The following CAMK2D variants were observed in gnomAD, a reference collection of about 807,000 sequenced individuals.
CAMK2D encodes the protein calcium/calmodulin dependent protein kinase II delta, also known as calcium/calmodulin-dependent protein kinase type II subunit delta.
A neutral mutation model predicts 84.0 loss-of-function variants in CAMK2D; 37 were observed. The ratio of observed to expected loss-of-function variants is 0.44; its 90% CI spans 0.34 to 0.58. The LOEUF (loss-of-function observed/expected upper bound fraction) is 0.58. CAMK2D is among the 20% of genes least tolerant of loss of function. CAMK2D has a pLI of 0.02. For synonymous variants in CAMK2D, 202 were observed against 212.5 expected (o/e 0.95, Z 0.43); for missense variants, 448 against 652.5 (o/e 0.69, Z 3.41).
intron 3 of CAMK2D, among the ~76,000 whole-genome samples, chr4:113,652,708 C>A (rs570094774): frequency 1.3e-5 from 2 of 152,034 alleles, no homozygotes; most frequent in Non-Finnish European, 2.9e-5. Context: ...CTTCCAATAC[C>A]CTGTTAGGGG....
chr4:113,509,527 C>T, intron 13 of CAMK2D, 111 bp downstream of exon 13: 1 of 709,012 alleles, frequency 1.4e-6, no homozygotes, highest in Non-Finnish European at 2.5e-6. Flanking sequence ...CAACCTTTAT[C>T]AGAAACAATA....
chr4:113,758,590 T>C (rs1282448699), intron 2 of CAMK2D, among the ~76,000 whole-genome samples: 3 of 152,190 alleles, frequency 2.0e-5, no homozygotes, highest in Non-Finnish European at 4.4e-5. Flanking sequence ...ATAATTGGAA[T>C]GCCTAACATT....
intron 2 of CAMK2D, among the ~76,000 whole-genome samples, chr4:113,692,179 A>G (rs1440176571): frequency 6.6e-6 from 1 of 152,170 alleles, no homozygotes; most frequent in Non-Finnish European, 1.5e-5. Context: ...TCAACTGACC[A>G]TATTTCTTCC....
chr4:113,696,608 C>G (rs1561892939), intron 2 of CAMK2D, among the ~76,000 whole-genome samples: 1 of 152,020 alleles, frequency 6.6e-6, no homozygotes, highest in Non-Finnish European at 1.5e-5. Context: ...CCAGGAGCAG[C>G]CCTTGCCTTC....
chr4:113,696,975 T>C (rs1408204953), intron 2 of CAMK2D, among the ~76,000 whole-genome samples: 1 of 152,078 alleles, frequency 6.6e-6, no homozygotes, highest in African/African-American at 2.4e-5. Context: ...AAAAGCAGCA[T>C]AATAAGAACT....
intron 16 of CAMK2D, among the ~76,000 whole-genome samples, chr4:113,480,580 T>A (rs1589919531): frequency 1.3e-5 from 2 of 152,058 alleles, no homozygotes; most frequent in South Asian, 4.1e-4. Context: ...GTGGCTCACA[T>A]CTGTAATCCC....
intron 2 of CAMK2D, among the ~76,000 whole-genome samples, chr4:113,711,122 T>C (rs945850970): frequency 1.0e-4 from 15 of 148,904 alleles, no homozygotes; most frequent in African/African-American, 3.2e-4. Context: ...AATATAAATT[T>C]ATTATATTTT....
At chr4:113,649,952 C>T (rs1211631098) in intron 3 of CAMK2D, among the ~76,000 whole-genome samples, 4 of 151,846 alleles carry the variant, frequency 2.6e-5, no homozygotes, top group East Asian at 1.9e-4. Flanking sequence ...TGTGGTGGCA[C>T]GTGCCTGTAA....
intron 8 of CAMK2D, among the ~76,000 whole-genome samples, chr4:113,530,909 C>A (rs189411778): frequency 7.3e-4 from 111 of 152,132 alleles, no homozygotes; most frequent in African/African-American, 2.6e-3. Flanking sequence ...CATGGTGAAA[C>A]CCTGTCTCTA....
chr4:113,515,479 G>T (rs181017842), intron 9 of CAMK2D, among the ~76,000 whole-genome samples: 80 of 149,830 alleles, frequency 5.3e-4, no homozygotes, highest in Non-Finnish European at 2.2e-4. Context: ...AAGAACTTAA[G>T]AATCTTCTAT....
intron 3 of CAMK2D, among the ~76,000 whole-genome samples, chr4:113,660,008 G>A (rs879581126): frequency 7.2e-5 from 11 of 152,064 alleles, no homozygotes; most frequent in Non-Finnish European, 1.5e-4. Flanking sequence ...CCCACTAAGT[G>A]CAGAATACTA....
chr4:113,628,567 T>C (rs1417876034), intron 3 of CAMK2D, among the ~76,000 whole-genome samples: 3 of 152,156 alleles, frequency 2.0e-5, no homozygotes, highest in African/African-American at 4.8e-5. Context: ...TTATCTTTCC[T>C]GGTACAAAGC....
At chr4:113,562,585 C>T (rs1591273542) in intron 4 of CAMK2D, among the ~76,000 whole-genome samples, 1 of 152,222 alleles carries the variant, frequency 6.6e-6, no homozygotes, top group East Asian at 1.9e-4. Context: ...GGCTAACATA[C>T]GAAAGAAGGA....
At chr4:113,548,260 G>A (rs1218007574) in intron 5 of CAMK2D, among the ~76,000 whole-genome samples, 3 of 152,146 alleles carry the variant, frequency 2.0e-5, no homozygotes, top group Admixed American at 6.6e-5. Context: ...GGAGCAATGC[G>A]TAACCAGTTG....
chr4:113,596,820 A>ATT (rs34155395), intron 4 of CAMK2D, among the ~76,000 whole-genome samples: 10 of 142,174 alleles, frequency 7.0e-5, no homozygotes, highest in African/African-American at 1.3e-4. Context: ...GGGTCCTAGA[A>ATT]TTTTTTTTTT....
intron 6 of CAMK2D, among the ~76,000 whole-genome samples, chr4:113,539,393 GT>G (rs1348019615): frequency 1.3e-5 from 2 of 152,182 alleles, no homozygotes; most frequent in African/African-American, 4.8e-5. Flanking sequence ...CACATTTTAG[GT>G]GTTTGAAGTC....
At position 113,599,366 on chromosome 4, in the gene CAMK2D, A is replaced by G. The variant is rs1044011683; in HGVS notation, c.275+9786T>C. Among the ~76,000 whole-genome samples, 4 of 152,224 alleles carry G rather than the reference A, an allele frequency of 2.6e-5. No individual in the cohort carries two copies. In the East Asian group the frequency reaches 7.7e-4, roughly 29 times the overall value. ...CCAAATGAGTTGAAAACTTATGTCC[A>G]TGCAAAAACCTATATATGGATGTTT... is the stretch of plus-strand genomic sequence containing the variant. On this transcript the variant is annotated intron_variant, in intron 4 of 20. Coordinates refer to ENST00000511664, the MANE Select transcript of CAMK2D (RefSeq NM_001321571.2).
At chr4:113,533,974 G>GT (rs1209690219) in intron 7 of CAMK2D, among the ~76,000 whole-genome samples, 2 of 151,480 alleles carry the variant, frequency 1.3e-5, no homozygotes, top group African/African-American at 4.8e-5. Flanking sequence ...TACATACTAT[G>GT]TTTTTTCTTA....
At chr4:113,608,403 T>G (rs1455765193) in intron 4 of CAMK2D, among the ~76,000 whole-genome samples, 1 of 152,220 alleles carries the variant, frequency 6.6e-6, no homozygotes, top group Non-Finnish European at 1.5e-5. Context: ...TCTCTATAAT[T>G]GGATCCTTAA....
Sources: gnomAD v4.1 joint callset for allele counts (sites outside exome capture counted in the v4.1 genomes callset) on GRCh38, gnomAD v4.1.1 for gene constraint, MANE v1.5 for transcripts, NCBI Gene and HGNC (gene_info 2026-07-23, HGNC 2026-07-21) for gene names.